Variants in CDH12 observed in about 807,000 individuals in gnomAD.
The protein encoded by CDH12 is cadherin 12.
In CDH12, 41 loss-of-function variants were observed where a neutral mutation model predicts 74.1. The ratio of observed to expected loss-of-function variants is 0.55; its 90% CI spans 0.43 to 0.72. The LOEUF is 0.72. Among genes scored for constraint, CDH12 ranks in the 30% least tolerant of loss-of-function variants. CDH12 has a pLI of 0.00. For synonymous variants in CDH12, 399 were observed against 355.0 expected (o/e 1.12, Z -1.39); for missense variants, 945 against 977.2 (o/e 0.97, Z 0.44).
At chr5:22,673,177 G>C (rs1740994961) in intron 1 of CDH12, among the ~76,000 whole-genome samples, 1 of 152,078 alleles carries the variant, frequency 6.6e-6, no homozygotes, top group Admixed American at 6.6e-5. Context: ...ATTTTATACT[G>C]TCAGTTGGAT....
chr5:22,660,093 T>C (rs1740267288), intron 1 of CDH12, among the ~76,000 whole-genome samples: 3 of 152,186 alleles, frequency 2.0e-5, no homozygotes. Flanking sequence ...ATAATTAAAA[T>C]ATTAAATACA....
intron 4 of CDH12, among the ~76,000 whole-genome samples, chr5:22,097,525 C>T (rs560838594): frequency 6.6e-6 from 1 of 152,266 alleles, no homozygotes; most frequent in East Asian, 1.9e-4. Flanking sequence ...CTCCCCAACT[C>T]TAGTGCCAAC....
intron 5 of CDH12, among the ~76,000 whole-genome samples, chr5:22,034,700 T>C (rs1344694287): frequency 6.6e-6 from 1 of 152,166 alleles, no homozygotes. Flanking sequence ...TGAAAAACAT[T>C]TGTGCTGTAA....
intron 11 of CDH12, among the ~76,000 whole-genome samples, chr5:21,766,577 G>A (rs540673346): frequency 9.9e-5 from 15 of 151,898 alleles, no homozygotes; most frequent in African/African-American, 3.6e-4. Flanking sequence ...ATTTTACAAG[G>A]TGTTTGATAA....
In CDH12 at chr5:22,075,748, T is replaced by A. The variant is rs141407253; in HGVS notation, c.231+2698A>T. 1.2e-4 allele frequency among the ~76,000 whole-genome samples: 18 copies of A among 152,244 alleles called. No homozygotes were observed. The East Asian group carries it at 2.5e-3, about 21-fold the overall frequency. On this transcript the variant is annotated intron_variant, in intron 5 of 14. Transcript: ENST00000382254. ...AAAGTTTCACTTGGATTTTCAACTGTGCTGGGGAGAAGTCAGTTCTCCTAA... is the reference window on the plus strand; with the variant it reads ...AAAGTTTCACTTGGATTTTCAACTGAGCTGGGGAGAAGTCAGTTCTCCTAA...
At chr5:22,047,629 C>T (rs1246569344) in intron 5 of CDH12, among the ~76,000 whole-genome samples, 2 of 152,110 alleles carry the variant, frequency 1.3e-5, no homozygotes, top group African/African-American at 4.8e-5. Context: ...GAATTCCTAA[C>T]ACATGAAGGT....
intron 2 of CDH12, among the ~76,000 whole-genome samples, chr5:22,418,489 A>G (rs1450481012): frequency 1.3e-5 from 2 of 152,186 alleles, no homozygotes; most frequent in Non-Finnish European, 2.9e-5. Flanking sequence ...TCTGTTGAAT[A>G]GGAGTGGTGA....
intron 3 of CDH12, among the ~76,000 whole-genome samples, chr5:22,230,251 G>C (rs1284295068): frequency 1.3e-5 from 2 of 151,930 alleles, no homozygotes; most frequent in Non-Finnish European, 2.9e-5. Flanking sequence ...AAGGACAAAA[G>C]GAAAATTACT....
At chr5:22,077,256 T>C (rs1742396073) in intron 5 of CDH12, among the ~76,000 whole-genome samples, 1 of 152,168 alleles carries the variant, frequency 6.6e-6, no homozygotes, top group Admixed American at 6.6e-5. Context: ...ACAAAGTTTC[T>C]ATTTAAAGAA....
intron 13 of CDH12, among the ~76,000 whole-genome samples, chr5:21,759,488 G>A (rs1224242760): frequency 6.6e-6 from 1 of 151,726 alleles, no homozygotes; most frequent in Non-Finnish European, 1.5e-5. Context: ...GATCTTGATG[G>A]TAACATGTTT....
At chr5:21,957,472 C>G (rs1442416326) in intron 6 of CDH12, among the ~76,000 whole-genome samples, 2 of 152,072 alleles carry the variant, frequency 1.3e-5, no homozygotes, top group African/African-American at 4.8e-5. Flanking sequence ...CTGCTTTTAT[C>G]TCTTTGAGGA....
At position 22,057,381 on chromosome 5, in the gene CDH12, A is replaced by T. The variant is rs1399056264; in HGVS notation, c.231+21065T>A. 2.6e-5 allele frequency among the ~76,000 whole-genome samples: 4 copies of T among 152,296 alleles called. No individual in the cohort carries two copies. The East Asian group carries it at 7.7e-4, about 29-fold the overall frequency. On this transcript the variant is annotated intron_variant, in intron 5 of 14. Coordinates refer to ENST00000382254, the MANE Select transcript of CDH12 (RefSeq NM_004061.5). Reference sequence around the variant, plus strand: ...CTGGAATTCCCTGATCCTGAAATAAAGGACAGCATGAGCAGGAACAGCCAT... The same window carrying T: ...CTGGAATTCCCTGATCCTGAAATAATGGACAGCATGAGCAGGAACAGCCAT...
At chr5:22,601,794 A>C (rs2126813127) in intron 1 of CDH12, among the ~76,000 whole-genome samples, 1 of 152,142 alleles carries the variant, frequency 6.6e-6, no homozygotes, top group South Asian at 2.1e-4. Context: ...TTAGGAAACA[A>C]GGATGGGGTG....
At chr5:21,791,063 A>G (rs929398873) in intron 10 of CDH12, among the ~76,000 whole-genome samples, 1 of 152,022 alleles carries the variant, frequency 6.6e-6, no homozygotes, top group Non-Finnish European at 1.5e-5. Context: ...CTTCTGGAAT[A>G]TAGCTGACAC....
chr5:22,607,451 T>C (rs1405142201), intron 1 of CDH12, among the ~76,000 whole-genome samples: 1 of 152,142 alleles, frequency 6.6e-6, no homozygotes, highest in South Asian at 2.1e-4. Flanking sequence ...ACTGCTTCCA[T>C]AGCAGCAGCA....
intron 1 of CDH12, among the ~76,000 whole-genome samples, chr5:22,757,587 A>G (rs573864235): frequency 3.3e-5 from 5 of 152,340 alleles, no homozygotes; most frequent in African/African-American, 4.8e-5. Flanking sequence ...AAAGATTGTT[A>G]ACATACATGG....
intron 6 of CDH12, among the ~76,000 whole-genome samples, chr5:21,924,377 G>T (rs978488292): frequency 6.6e-6 from 1 of 152,082 alleles, no homozygotes; most frequent in Non-Finnish European, 1.5e-5. Flanking sequence ...TTAGCTGGGA[G>T]TGGTGGCGGG....
chr5:22,021,825 T>A (rs1738002848), intron 5 of CDH12, among the ~76,000 whole-genome samples: 1 of 152,180 alleles, frequency 6.6e-6, no homozygotes, highest in Non-Finnish European at 1.5e-5. Context: ...AATGGACATG[T>A]GGCTGTCCAC....
At chr5:22,251,334 T>C (rs1435479323) in intron 3 of CDH12, among the ~76,000 whole-genome samples, 2 of 152,124 alleles carry the variant, frequency 1.3e-5, no homozygotes, top group African/African-American at 4.8e-5. Flanking sequence ...AGATAAAGTA[T>C]AGGTGTGAGA....
Sources: gnomAD v4.1 joint callset for allele counts (sites outside exome capture counted in the v4.1 genomes callset) on GRCh38, gnomAD v4.1.1 for gene constraint, MANE v1.5 for transcripts, NCBI Gene and HGNC (gene_info 2026-07-23, HGNC 2026-07-21) for gene names.